The following SMARCC2 variants were observed in gnomAD, a reference collection of about 807,000 sequenced individuals.
SMARCC2 encodes the protein SWI/SNF complex subunit SMARCC2.
Under a neutral mutation model 151.3 loss-of-function variants are expected in SMARCC2, and 15 were observed. The ratio of observed to expected loss-of-function variants is 0.10; its 90% confidence interval spans 0.07 to 0.15. The LOEUF is 0.15. Ranked by LOEUF, SMARCC2 falls within the 10% of genes least tolerant of loss-of-function variation. The pLI is 1.00. For missense variants in SMARCC2, 1,031 were observed against 1,599.7 expected (o/e 0.64, Z 6.06); for synonymous variants, 590 against 609.5 (o/e 0.97, Z 0.47).
chr12:56,186,403 T>G (rs1186351962), intron 2 of SMARCC2, among the ~76,000 whole-genome samples, 163 bp from the exon 3 acceptor site: 1 of 147,714 alleles, frequency 6.8e-6, no homozygotes, highest in African/African-American at 2.5e-5. Context: ...CAGGCTGGAG[T>G]GCAATGGCGC....
chr12:56,176,481 CT>C (rs918516709), intron 15 of SMARCC2, among the ~76,000 whole-genome samples: 13 of 148,042 alleles, frequency 8.8e-5, no homozygotes, highest in Middle Eastern at 3.5e-3. Context: ...GAGGCAAAAT[CT>C]TTTTTTTTTT....
At chr12:56,170,724 CTTTTTT>C (rs36061638) in intron 22 of SMARCC2, among the ~76,000 whole-genome samples, 17 of 90,924 alleles carry the variant, frequency 1.9e-4, no homozygotes, top group Non-Finnish European at 3.0e-4. Flanking sequence ...CTTCACAAGA[CTTTTTT>C]TTTTTTTTTT....
At chr12:56,175,173 G>A (rs1042269532) in intron 15 of SMARCC2, among the ~76,000 whole-genome samples, 11 of 151,968 alleles carry the variant, frequency 7.2e-5, no homozygotes, top group Non-Finnish European at 1.0e-4. Flanking sequence ...CACCACGGCC[G>A]GCTAATTTTG....
In SMARCC2 at chr12:56,184,230, C is replaced by T; in HGVS notation, c.507G>A (p.Glu169=). Residue 169 remains glutamate, a synonymous_variant, in exon 6 of 29, where the codon GAG becomes GAA. Coordinates refer to ENST00000550164, the MANE Select transcript of SMARCC2 (RefSeq NM_001330288.2). ...CAACATGGGAGGCATTGTTCTTATC[C>T]TCAGTGACTGTTCCCTGGATGGTAA... ...IIKRHQGTVT[E]DKNNASHVVY... is the part of the protein sequence containing the mutation. 1 of 1,613,110 alleles carries T rather than the reference C, an allele frequency of 6.2e-7. No homozygotes were observed. The highest frequency in any genetic ancestry group is 8.5e-7 in the Non-Finnish European group (1 of 1,179,312).
chr12:56,179,689 T>C (rs1398604705), intron 11 of SMARCC2, among the ~76,000 whole-genome samples: 1 of 152,202 alleles, frequency 6.6e-6, no homozygotes, highest in Non-Finnish European at 1.5e-5. Context: ...CTTCATGTTT[T>C]TTGTTTTGTT....
Position 56,164,696 on chromosome 12 carries a change from A to AGGGAGGAGTTTGTTGGTT in SMARCC2, c.3250_3267dup (p.Asn1084_Pro1089dup). 2 of 1,611,508 alleles carry AGGGAGGAGTTTGTTGGTT rather than the reference A, an allele frequency of 1.2e-6. No individual in the cohort carries two copies. Among genetic ancestry groups the AGGGAGGAGTTTGTTGGTT allele is most frequent in the Non-Finnish European group, 1.7e-6 (2 of 1,178,868 alleles). On this transcript the variant is annotated inframe_insertion, in exon 28 of 29. Transcript: ENST00000550164. ...CCTGGCACTGCCCCTGGCATCATTG[A>AGGGAGGAGTTTGTTGGTT]GGGAGGAGTTTGTTGGTTGGGGAAC...
Position 56,182,840 on chromosome 12 carries a change from C to CT in SMARCC2, c.633-762dup, listed in dbSNP as rs1275665985. On this transcript the variant is annotated intron_variant, in intron 7 of 28. Transcript: ENST00000550164. ...ACCATACTAGATGATATTTTACATG[C>CT]TTTTTTTTTTTGAGACAGGGTCTTG... 9.4e-4 allele frequency among the ~76,000 whole-genome samples: 126 copies of CT among 134,190 alleles called. 1 individual carries two copies. Among genetic ancestry groups the CT allele is most frequent in the Middle Eastern group, 7.4e-3 (2 of 272 alleles). The allele number at this position is 134,190 out of a possible 152,430, so 88.0% of individuals were successfully genotyped here.
intron 15 of SMARCC2, 80 bp downstream of exon 15, chr12:56,177,942 A>G (rs2135715894): frequency 1.0e-6 from 1 of 1,003,258 alleles, no homozygotes; most frequent in East Asian, 2.4e-5. Flanking sequence ...AATGTTTGCT[A>G]AACTGAATGT....
chr12:56,184,748 C>A, intron 5 of SMARCC2, 96 bp downstream of exon 5: 1 of 747,380 alleles, frequency 1.3e-6, no homozygotes, highest in Non-Finnish European at 2.3e-6. Flanking sequence ...ACCTCTGAAG[C>A]AGAAAACATG....
Position 56,164,625 on chromosome 12 carries a change from A to C in SMARCC2, c.3339T>G (p.Pro1113=). 2 of 1,613,206 alleles carry C rather than the reference A, an allele frequency of 1.2e-6. No individual in the cohort carries two copies. Among genetic ancestry groups the C allele is most frequent in the Non-Finnish European group, 1.7e-6 (2 of 1,179,500 alleles). ...GVAGNAPLGL[P]FGMPPPPPPP... Reference sequence around the variant, plus strand: ...GAGGAGGAGGAGGCGGCATGCCAAAAGGCAAACCCAAAGGAGCATTACCCG... The same window carrying C: ...GAGGAGGAGGAGGCGGCATGCCAAACGGCAAACCCAAAGGAGCATTACCCG... Residue 1113 remains proline (P), a synonymous_variant, in exon 28 of 29, where the codon CCT becomes CCG. Coordinates refer to ENST00000550164, the MANE Select transcript of SMARCC2 (RefSeq NM_001330288.2).
intron 5 of SMARCC2, 59 bp downstream of exon 5, chr12:56,184,778 TGGTATAG>T (rs1876906170): frequency 1.1e-6 from 1 of 948,876 alleles, no homozygotes; most frequent in African/African-American, 1.6e-5. Flanking sequence ...GGCTGCTGCT[TGGTATAG>T]AAAACACTGG....
rs570487698 is a variant in SMARCC2 at position 56,184,073 on chromosome 12, A to AT, written c.562+101dup. 6.1e-4 allele frequency: 643 copies of AT among 1,061,458 alleles called. 1 individual carries two copies. Among genetic ancestry groups the AT allele is most frequent in the Non-Finnish European group, 8.9e-4 (620 of 699,034 alleles). 65.8% of individuals were successfully genotyped at this position (1,061,458 alleles called of 1,614,324 possible). A position where few individuals can be genotyped will look rare whatever the true frequency, so the allele number is the denominator to read the frequency against. On this transcript the variant is annotated intron_variant, in intron 6 of 28. Transcript: ENST00000550164. ...ACTTAAGGTGGTAAGAGGATTCAAG[A>AT]TTGAAAGAAGAGGAGGAGCCCAGGT...
rs553464997 is a variant in SMARCC2, at chr12:56,171,513, C to G, written c.2186-81G>C. ...ATCCCTGCAAAAGCTTACTCACAAG[C>G]CCATGTCTTCATCTAAGCTAGTATG... On this transcript the variant is annotated intron_variant, in intron 21 of 28. Transcript: ENST00000550164. The surrounding 1 kb of genome is among the most constrained non-coding windows in gnomAD (Gnocchi z 4.2). The G allele has an allele frequency of 9.6e-5, 152 of 1,575,696 alleles. No individual in the cohort carries two copies. The African/African-American group carries it at 1.8e-3, about 19-fold the overall frequency.
chr12:56,185,759 T>C (rs954224715), intron 3 of SMARCC2: 3 of 191,690 alleles, frequency 1.6e-5, no homozygotes, highest in African/African-American at 7.1e-5. Flanking sequence ...ATTACAGGTG[T>C]GAGCCACTGC....
intron 22 of SMARCC2, 54 bp from the exon 23 acceptor site, chr12:56,170,262 G>A (rs763001320): frequency 3.2e-4 from 466 of 1,435,462 alleles, no homozygotes; most frequent in Non-Finnish European, 4.2e-4. Context: ...ACAGTCGTCT[G>A]TGTCTAACAC....
chr12:56,186,990 A>G, intron 2 of SMARCC2, 197 bp downstream of exon 2: 1 of 514,598 alleles, frequency 1.9e-6, no homozygotes, highest in Middle Eastern at 3.9e-4. Flanking sequence ...GTTGCACAAA[A>G]TATTACTAAG....
At chr12:56,168,242 A>G in intron 25 of SMARCC2, 48 bp from the exon 26 acceptor site, 1 of 1,609,382 alleles carries the variant, frequency 6.2e-7, no homozygotes, top group African/African-American at 1.3e-5. Context: ...GACCCAACTG[A>G]AGACAATACA....
At position 56,182,027 on chromosome 12, in the gene SMARCC2, G is replaced by A. The variant is rs1876313483; in HGVS notation, c.685C>T (p.Pro229Ser). Residue 229 changes from proline (P) to serine (S), a missense_variant, in exon 8 of 29, where the codon CCA becomes TCA. This residue lies in a region of SMARCC2 where 123 missense variants were observed against 190.4 expected (regional missense o/e 0.65). Transcript: ENST00000550164. ...ACCTTCCTAGGTTTCTCAGGAGTTGGAGCATCTTCCACAGATGCCTCAATT... is the reference window on the plus strand; with the variant it reads ...ACCTTCCTAGGTTTCTCAGGAGTTGAAGCATCTTCCACAGATGCCTCAATT... ...SEIEASVEDAPTPEKPRKVHA... is the reference protein window; with the variant it reads ...SEIEASVEDASTPEKPRKVHA... The A allele has an allele frequency of 6.2e-7, 1 of 1,611,954 alleles. No homozygotes were observed. Among genetic ancestry groups the A allele is most frequent in the Admixed American group, 1.7e-5 (1 of 59,524 alleles).
chr12:56,172,038 A>C (rs984290093), intron 20 of SMARCC2, 101 bp from the exon 21 acceptor site: 1 of 1,065,776 alleles, frequency 9.4e-7, no homozygotes, highest in South Asian at 1.6e-5. Context: ...AAAGTTCTCT[A>C]TGTTCTGGTA....
Sources: gnomAD v4.1 joint callset for allele counts (sites outside exome capture counted in the v4.1 genomes callset) on GRCh38, gnomAD v4.1.1 for gene constraint, gnomAD v4.1.1 regional missense constraint, Gnocchi (gnomAD v3.1) non-coding constraint, MANE v1.5 for transcripts, NCBI Gene and HGNC (gene_info 2026-07-23, HGNC 2026-07-21) for gene names.